The following AOC3 variants were observed in gnomAD, a reference collection of about 807,000 sequenced individuals.
AOC3 encodes amine oxidase copper containing 3.
In AOC3, 47 loss-of-function variants were observed where a neutral mutation model predicts 55.4. That is an observed-to-expected ratio of 0.85 (90% CI 0.67 to 1.08). The LOEUF is 1.08. Among genes scored for constraint, AOC3 ranks in the 50% least tolerant of loss-of-function variants. AOC3 has a pLI of 0.00. For synonymous variants in AOC3, 386 were observed against 410.7 expected, an observed-to-expected ratio of 0.94 and a Z score of 0.73; for missense variants, 853 against 993.1, an observed-to-expected ratio of 0.86 and a Z score of 1.90.
chr17:42,854,437 A>T lies in AOC3; in HGVS notation c.1601-11A>T. On this transcript the variant is annotated splice_polypyrimidine_tract_variant and intron_variant, in intron 1 of 3. Coordinates refer to ENST00000308423, the MANE Select transcript of AOC3 (RefSeq NM_003734.4). ...TGCCTGACAGGCCCTCCCCTATCCC[A>T]CCCTGAGCAGGACTGGAGAACTGGG... is the stretch of plus-strand genomic sequence containing the variant. 6.7e-7 allele frequency: 1 copy of T among 1,493,882 alleles called. No individual in the cohort carries two copies. Among genetic ancestry groups the T allele is most frequent in the Non-Finnish European group, 9.0e-7 (1 of 1,116,704 alleles). 92.5% of individuals were successfully genotyped at this position (1,493,882 alleles called of 1,614,324 possible).
At chr17:42,855,176 G>C (rs148870200) in intron 2 of AOC3, among the ~76,000 whole-genome samples, 153 of 152,284 alleles carry the variant, frequency 1.0e-3, no homozygotes, top group African/African-American at 3.6e-3. Flanking sequence ...AAGAAACCAT[G>C]ATGGGCACAT....
At position 42,854,339 on chromosome 17, in the gene AOC3, C is replaced by A. The variant is rs35453524; in HGVS notation, c.1601-109C>A. On this transcript the variant is annotated intron_variant, in intron 1 of 3. Coordinates refer to ENST00000308423, the MANE Select transcript of AOC3 (RefSeq NM_003734.4). ...GAGAGGGAAGAGAAGGAGGGGCACA[C>A]TCAGTTCTGGGCTGCTCTTTGGCCC... 1.3e-5 allele frequency: 14 copies of A among 1,070,180 alleles called. No individual in the cohort carries two copies. The African/African-American group carries it at 1.9e-4, about 15-fold the overall frequency. The allele number at this position is 1,070,180 out of a possible 1,614,324, so 66.3% of individuals were successfully genotyped here.
rs780068079 is a variant in AOC3, at chr17:42,851,418, G to A, written c.75G>A (p.Leu25=). The A allele has an allele frequency of 2.5e-5, 40 of 1,614,126 alleles. No homozygotes were observed. The highest frequency in any genetic ancestry group is 3.1e-5 in the Non-Finnish European group (36 of 1,179,974). Residue 25 remains leucine (L), a synonymous_variant, in exon 1 of 4, where the codon CTG becomes CTA. Transcript: ENST00000308423. ...ITIFALVCVL[L]VGRGGDGGEP... is the part of the protein sequence containing the mutation. ...TCTTTGCCTTGGTTTGTGTCCTGCTGGTGGGCAGGGGTGGAGATGGGGGTG... is the reference window on the plus strand; with the variant it reads ...TCTTTGCCTTGGTTTGTGTCCTGCTAGTGGGCAGGGGTGGAGATGGGGGTG...
rs150410758 is a variant in AOC3 at position 42,852,397 on chromosome 17, G to A, written c.1054G>A (p.Val352Ile). The change falls in exon 1 of 4, where the codon GTT becomes ATT. Residue 352 changes from valine (V) to isoleucine (I), a missense_variant. By Grantham distance (29) the Val-to-Ile change is conservative. Transcript: ENST00000308423. ...GAFSGPRIFD[V>I]RFQGERLVYE... ...ATTCAGTGGCCCAAGGATCTTTGAC[G>A]TTCGCTTCCAAGGAGAAAGACTAGT... 1.6e-4 allele frequency: 264 copies of A among 1,614,166 alleles called. 6 individuals are homozygous for A. The highest frequency in any genetic ancestry group is 1.4e-3 in the East Asian group (64 of 44,878).
At chr17:42,855,414 G>C (rs1327949359) in intron 2 of AOC3, 30 bp from the exon 3 acceptor site, 1 of 1,585,646 alleles carries the variant, frequency 6.3e-7, no homozygotes, top group Non-Finnish European at 8.6e-7. Context: ...GGGGTCAATG[G>C]CCATGGAGGC....
rs1444558021 is a variant in AOC3, at chr17:42,855,505, C to T, written c.1948C>T (p.Gln650Ter). ...EEPSSSSVFN[Q>*]NDPWAPTVDF... The stretch of plus-strand genomic sequence containing the variant: ...GCCCAGTAGCAGCAGCGTTTTCAAT[C>T]AGAATGACCCTTGGGCCCCCACTGT... Residue 650 changes from glutamine to a stop codon, truncating the protein, a stop_gained, in exon 3 of 4, where the codon CAG (glutamine) becomes TAG (stop). Transcript: ENST00000308423. LOFTEE classifies it high-confidence loss of function. The T allele has an allele frequency of 1.2e-6, 2 of 1,613,614 alleles. No individual in the cohort carries two copies. Among genetic ancestry groups the T allele is most frequent in the Non-Finnish European group, 1.7e-6 (2 of 1,179,918 alleles).
chr17:42,851,941 T>C lies in AOC3; in HGVS notation c.598T>C (p.Phe200Leu). 6.2e-7 allele frequency: 1 copy of C among 1,613,766 alleles called. No individual in the cohort carries two copies. Among genetic ancestry groups the C allele is most frequent in the South Asian group, 1.1e-5 (1 of 91,078 alleles). ...TTCTGGGCTTCTCCACCACTGTTGC[T>C]TCTACAAGCACCGGGGACGGAACCT... The part of the protein sequence containing the change: ...QASGLLHHCC[F>L]YKHRGRNLVT... The change falls in exon 1 of 4, where the codon TTC (phenylalanine) becomes CTC (leucine). Residue 200 changes from phenylalanine to leucine, a missense_variant. Physicochemically the swap from Phe to Leu is conservative, Grantham distance 22. Coordinates refer to ENST00000308423, the MANE Select transcript of AOC3 (RefSeq NM_003734.4).
At position 42,856,859 on chromosome 17, in the gene AOC3, T is replaced by C; in HGVS notation, c.*309T>C. ...TGGTTCCCTTTGTTGCTGTCTGGCT[T>C]TCCCGAATCTTTTTAGGCCACCTCC... On this transcript the variant is annotated 3_prime_UTR_variant, in exon 4 of 4. Coordinates refer to ENST00000308423, the MANE Select transcript of AOC3 (RefSeq NM_003734.4). The C allele has an allele frequency of 2.4e-6, 1 of 417,096 alleles. No homozygotes were observed. Among genetic ancestry groups the C allele is most frequent in the Non-Finnish European group, 4.3e-6 (1 of 230,330 alleles). The allele number at this position is 417,096 out of a possible 1,614,324, so 25.8% of individuals were successfully genotyped here. A position where few individuals can be genotyped will look rare whatever the true frequency, so the allele number is the denominator to read the frequency against.
Position 42,851,370 on chromosome 17 carries a change from C to G in AOC3, c.27C>G (p.Leu9=). 1 of 1,609,198 alleles carries G rather than the reference C, an allele frequency of 6.2e-7. No homozygotes were observed. MNQKTILV[L]LILAVITIFA... ...TGAACCAGAAGACAATCCTCGTGCT[C>G]CTCATTCTGGCCGTCATCACCATCT... is the stretch of plus-strand genomic sequence containing the variant. The change falls in exon 1 of 4, where the codon CTC becomes CTG. Residue 9 remains leucine, a synonymous_variant. Transcript: ENST00000308423.
rs761740184 is a variant in AOC3, at chr17:42,852,036, C to T, written c.693C>T (p.Tyr231=). The change falls in exon 1 of 4, where the codon TAC becomes TAT. Residue 231 remains tyrosine (Y), a synonymous_variant. Transcript: ENST00000308423. ...GDRATWFGLY[Y]NISGAGFFLH... Reference sequence around the variant, plus strand: ...GGGCCACCTGGTTTGGCCTCTACTACAACATCTCGGGCGCTGGGTTCTTCC... The same window carrying T: ...GGGCCACCTGGTTTGGCCTCTACTATAACATCTCGGGCGCTGGGTTCTTCC... The T allele has an allele frequency of 4.3e-6, 7 of 1,613,892 alleles. No homozygotes were observed. In the South Asian group the frequency reaches 7.7e-5, roughly 18 times the overall value.
rs560703286 is a variant in AOC3, at chr17:42,854,805, A to G, written c.1886+72A>G. On this transcript the variant is annotated intron_variant, in intron 2 of 3. Transcript: ENST00000308423. ...AGGAGTGTTGGCGGACACTCAGCTC[A>G]CACTGTAGGTGAGGGGAGAGCTCTC... 3 of 1,342,970 alleles carry G rather than the reference A, an allele frequency of 2.2e-6. No individual in the cohort carries two copies. The South Asian group carries it at 5.5e-5, about 25-fold the overall frequency. 83.2% of individuals were successfully genotyped at this position (1,342,970 alleles called of 1,614,324 possible).
chr17:42,852,668 G>C lies in AOC3; in HGVS notation c.1325G>C (p.Arg442Pro), dbSNP rs757517219. 2 of 1,614,176 alleles carry C rather than the reference G, an allele frequency of 1.2e-6. No individual in the cohort carries two copies. The highest frequency in any genetic ancestry group is 3.3e-5 in the Admixed American group (2 of 60,014). ...CAGAACCAGGGCCTCCCCCTGCGGC[G>C]ACACCACTCAGATCTCTACTCGCAC... ...FEQNQGLPLRRHHSDLYSHYF... is the reference protein window; with the variant it reads ...FEQNQGLPLRPHHSDLYSHYF... The change falls in exon 1 of 4, where the codon CGA (arginine) becomes CCA (proline). Residue 442 changes from arginine (R) to proline (P), a missense_variant. By Grantham distance (103) the Arg-to-Pro change is moderately radical. Transcript: ENST00000308423.
At chr17:42,853,086 C>T in intron 1 of AOC3, 143 bp downstream of exon 1, 1 of 1,337,166 alleles carries the variant, frequency 7.5e-7, no homozygotes, top group Non-Finnish European at 9.9e-7. Context: ...AGAGAGTTGG[C>T]TGCTGAGTTT....
rs2055738070 is a variant in AOC3 at position 42,855,553 on chromosome 17, A to G, written c.1996A>G (p.Asn666Asp). 1 of 1,614,016 alleles carries G rather than the reference A, an allele frequency of 6.2e-7. No homozygotes were observed. Among genetic ancestry groups the G allele is most frequent in the Non-Finnish European group, 8.5e-7 (1 of 1,180,040 alleles). Residue 666 changes from asparagine to aspartate, a missense_variant, in exon 3 of 4, where the codon AAT (asparagine) becomes GAT (aspartate). Asn to Asp is a conservative substitution (Grantham distance 23). Transcript: ENST00000308423. ...PTVDFSDFINNETIAGKDLVA... is the reference protein window; with the variant it reads ...PTVDFSDFINDETIAGKDLVA... ...TGTGGATTTCAGTGACTTCATCAAC[A>G]ATGAGACCATTGCTGGAAAGGTCAG...
Position 42,856,326 on chromosome 17 carries a change from G to A in AOC3, c.2068G>A (p.Asp690Asn). 1 of 1,614,178 alleles carries A rather than the reference G, an allele frequency of 6.2e-7. No homozygotes were observed. Among genetic ancestry groups the A allele is most frequent in the Non-Finnish European group, 8.5e-7 (1 of 1,180,026 alleles). Residue 690 changes from aspartate to asparagine, a missense_variant, in exon 4 of 4, where the codon GAC becomes AAC. Asp to Asn is a conservative substitution (Grantham distance 23). Coordinates refer to ENST00000308423, the MANE Select transcript of AOC3 (RefSeq NM_003734.4). ...TTTTCTGCATATCCCACATGCAGAG[G>A]ACATTCCTAACACAGTGACTGTGGG... ...AGFLHIPHAEDIPNTVTVGNG... is the reference protein window; with the variant it reads ...AGFLHIPHAENIPNTVTVGNG...
intron 2 of AOC3, 67 bp from the exon 3 acceptor site, chr17:42,855,377 C>T (rs143619803): frequency 9.6e-6 from 15 of 1,556,144 alleles, no homozygotes; most frequent in Non-Finnish European, 1.2e-5. Context: ...CACTCAGTTC[C>T]CTTTCATCAT....
rs746653141 is a variant in AOC3, at chr17:42,852,555, C to T, written c.1212C>T (p.Cys404=). Residue 404 remains cysteine (C), a synonymous_variant, in exon 1 of 4, where the codon TGC becomes TGT. Transcript: ENST00000308423. ...YTTPLTRGVD[C]PYLATYVDWH... Reference sequence around the variant, plus strand: ...CGCCCCTGACCCGTGGGGTGGACTGCCCCTACTTGGCCACCTACGTGGACT... The same window carrying T: ...CGCCCCTGACCCGTGGGGTGGACTGTCCCTACTTGGCCACCTACGTGGACT... 4 of 1,614,098 alleles carry T rather than the reference C, an allele frequency of 2.5e-6. No individual in the cohort carries two copies. The African/African-American group carries it at 5.3e-5, about 22-fold the overall frequency.
At chr17:42,854,317 AG>A in intron 1 of AOC3, 130 bp from the exon 2 acceptor site, 1 of 775,736 alleles carries the variant, frequency 1.3e-6, no homozygotes, top group Non-Finnish European at 1.8e-6. Context: ...TCCTGGGGAG[AG>A]GGAAGAGAAG....
chr17:42,851,561 G>C lies in AOC3; in HGVS notation c.218G>C (p.Arg73Pro). Residue 73 changes from arginine to proline, a missense_variant, in exon 1 of 4, where the codon CGC (arginine) becomes CCC (proline). By Grantham distance (103) the Arg-to-Pro change is moderately radical. Coordinates refer to ENST00000308423, the MANE Select transcript of AOC3 (RefSeq NM_003734.4). ...LSREELTAVM[R>P]FLTQRLGPGL... is the part of the protein sequence containing the mutation. ...CGAGAGGAGCTGACGGCTGTGATGC[G>C]CTTTCTGACCCAGCGGCTGGGGCCA... is the stretch of plus-strand genomic sequence containing the variant. 2 of 1,613,786 alleles carry C rather than the reference G, an allele frequency of 1.2e-6. No individual in the cohort carries two copies. The highest frequency in any genetic ancestry group is 1.7e-6 in the Non-Finnish European group (2 of 1,179,992).
Sources: gnomAD v4.1 joint callset for allele counts (sites outside exome capture counted in the v4.1 genomes callset) on GRCh38, gnomAD v4.1.1 for gene constraint, MANE v1.5 for transcripts, NCBI Gene and HGNC (gene_info 2026-07-23, HGNC 2026-07-21) for gene names.